WDR59: variants seen among roughly 807,000 people sequenced by gnomAD.
WDR59 encodes the protein WD repeat domain 59.
WDR59 carries 100 observed loss-of-function variants against 131.2 expected under a neutral mutation model. The observed-to-expected ratio is 0.76, with a 90% CI of 0.65 to 0.90. WDR59 has a LOEUF of 0.90. Among genes scored for constraint, WDR59 ranks in the 40% least tolerant of loss-of-function variants. The probability of loss-of-function intolerance (pLI) is 0.00; values close to 1 mark genes in which losing one functional copy is unlikely to be tolerated. For missense variants in WDR59, 1,203 were observed against 1,262.2 expected (o/e 0.95, Z 0.71); for synonymous variants, 601 against 466.2 (o/e 1.29, Z -3.72).
chr16:74,907,634 C>T (rs1965880298), intron 17 of WDR59, among the ~76,000 whole-genome samples: 1 of 152,192 alleles, frequency 6.6e-6, no homozygotes, highest in Admixed American at 6.5e-5. Flanking sequence ...AATGTCTATG[C>T]TGATTACACT....
chr16:74,902,822 G>A (rs1276596380), intron 18 of WDR59, among the ~76,000 whole-genome samples: 1 of 152,024 alleles, frequency 6.6e-6, no homozygotes, highest in Non-Finnish European at 1.5e-5. Context: ...ACTTGGAAAT[G>A]ATATAGATTA....
At chr16:74,934,708 G>A (rs758945859) in intron 8 of WDR59, among the ~76,000 whole-genome samples, 2 of 152,214 alleles carry the variant, frequency 1.3e-5, no homozygotes, top group Non-Finnish European at 2.9e-5. Context: ...AACACTTTGG[G>A]AGGCTGAAGC....
At chr16:74,977,620 G>A (rs1412298579) in intron 1 of WDR59, among the ~76,000 whole-genome samples, 5 of 152,126 alleles carry the variant, frequency 3.3e-5, no homozygotes, top group Non-Finnish European at 2.9e-5. Context: ...CCCGGGAGGC[G>A]GAGCTTGCAG....
chr16:74,885,405 G>A (rs997264303), intron 25 of WDR59, among the ~76,000 whole-genome samples: 4 of 117,798 alleles, frequency 3.4e-5, no homozygotes, highest in Admixed American at 1.3e-4. Context: ...CTGAGATCAC[G>A]CCACTGCACT....
chr16:74,882,753 T>G (rs1199829042), intron 25 of WDR59, among the ~76,000 whole-genome samples: 2 of 127,758 alleles, frequency 1.6e-5, no homozygotes, highest in East Asian at 2.3e-4. Flanking sequence ...GAGGTTGCAG[T>G]GAGCCGAGAT....
intron 25 of WDR59, among the ~76,000 whole-genome samples, chr16:74,882,890 T>C (rs1275435373): frequency 1.3e-5 from 2 of 149,268 alleles, no homozygotes; most frequent in Non-Finnish European, 3.0e-5. Flanking sequence ...CCTACACAAC[T>C]TAAAAGAGTC....
intron 25 of WDR59, among the ~76,000 whole-genome samples, chr16:74,882,832 AGAAAG>A (rs1567684198): frequency 8.2e-6 from 1 of 122,238 alleles, no homozygotes; most frequent in African/African-American, 2.9e-5. Flanking sequence ...AAAAAAAAAA[AGAAAG>A]AAAGAAAGAA....
chr16:74,927,553 A>C (rs1459596414), intron 8 of WDR59, among the ~76,000 whole-genome samples: 1 of 138,238 alleles, frequency 7.2e-6, no homozygotes, highest in South Asian at 2.3e-4. Context: ...GCGCCACTGC[A>C]CTCCAGCCTG....
chr16:74,982,906 A>G (rs1414745992), intron 1 of WDR59, among the ~76,000 whole-genome samples: 1 of 152,240 alleles, frequency 6.6e-6, no homozygotes, highest in Non-Finnish European at 1.5e-5. Context: ...TCACCCATTC[A>G]TACTTATCCA....
At chr16:74,890,742 C>G (rs1441997145) in intron 20 of WDR59, among the ~76,000 whole-genome samples, 1 of 152,136 alleles carries the variant, frequency 6.6e-6, no homozygotes, top group East Asian at 1.9e-4. Flanking sequence ...AAACCAATAG[C>G]CTCTAAGTGT....
chr16:74,912,750 G>C (rs1377860541), intron 13 of WDR59, among the ~76,000 whole-genome samples: 1 of 152,198 alleles, frequency 6.6e-6, no homozygotes, highest in Admixed American at 6.5e-5. Context: ...GCAAGCCAGT[G>C]ATAAGCATTG....
Position 74,912,069 on chromosome 16 carries a change from C to G in WDR59, c.1389+129G>C, listed in dbSNP as rs573045237. On this transcript the variant is annotated intron_variant, in intron 14 of 25. Coordinates refer to ENST00000262144, the MANE Select transcript of WDR59 (RefSeq NM_030581.4). ...AATGGCAAGTTCAGAGGTTACGTTGCTAATACTAGTGTGTGTACGAAACAG... is the reference window on the plus strand; with the variant it reads ...AATGGCAAGTTCAGAGGTTACGTTGGTAATACTAGTGTGTGTACGAAACAG... The G allele has an allele frequency of 2.3e-5, 29 of 1,264,358 alleles. No homozygotes were observed. In the East Asian group the frequency reaches 6.3e-4, roughly 28 times the overall value. 78.3% of individuals were successfully genotyped at this position (1,264,358 alleles called of 1,614,324 possible). A position where few individuals can be genotyped will look rare whatever the true frequency, so the allele number is the denominator to read the frequency against.
chr16:74,972,794 C>G (rs2034035977), intron 1 of WDR59, among the ~76,000 whole-genome samples: 1 of 131,830 alleles, frequency 7.6e-6, no homozygotes, highest in Non-Finnish European at 1.5e-5. Flanking sequence ...TGCATTCCAG[C>G]CTGGGTGACA....
At chr16:74,921,848 C>T in intron 10 of WDR59, 99 bp downstream of exon 10, 1 of 1,434,300 alleles carries the variant, frequency 7.0e-7, no homozygotes, top group Non-Finnish European at 9.3e-7. Context: ...AAGCCCAGCT[C>T]TCTCTATGTC....
At chr16:74,879,837 G>C (rs189173462) in intron 25 of WDR59, among the ~76,000 whole-genome samples, 1 of 152,118 alleles carries the variant, frequency 6.6e-6, no homozygotes, top group Admixed American at 6.5e-5. Context: ...CAGAACAATG[G>C]GTAAGTACCA....
In WDR59 at chr16:74,926,904, C is replaced by T. The variant is rs150106639; in HGVS notation, c.652-2901G>A. The stretch of plus-strand genomic sequence containing the variant: ...CAAGGAAATATATAAATGAGCCAAG[C>T]TGGAATGCAAGGGAGAGTTCTATGT... On this transcript the variant is annotated intron_variant, in intron 8 of 25. Transcript: ENST00000262144. 3.6e-3 allele frequency among the ~76,000 whole-genome samples: 550 copies of T among 152,250 alleles called. 4 individuals are homozygous for T. The highest frequency in any genetic ancestry group is 0.013 in the African/African-American group (543 of 41,542).
intron 1 of WDR59, among the ~76,000 whole-genome samples, chr16:74,967,175 C>A (rs768188368): frequency 2.0e-5 from 3 of 152,146 alleles, no homozygotes; most frequent in Admixed American, 6.6e-5. Flanking sequence ...AGAAACATCA[C>A]AAGTAACATT....
intron 1 of WDR59, chr16:74,984,568 A>C: frequency 3.9e-6 from 1 of 258,270 alleles, no homozygotes; most frequent in Non-Finnish European, 7.7e-6. Flanking sequence ...GGTTACGTCC[A>C]CGCAGCTGAG....
intron 1 of WDR59, among the ~76,000 whole-genome samples, chr16:74,969,296 G>A (rs1052267995): frequency 3.3e-5 from 5 of 152,004 alleles, no homozygotes; most frequent in South Asian, 2.1e-4. Flanking sequence ...CTTTTGAGAC[G>A]GAGTCTCACT....
Sources: allele counts gnomAD v4.1 joint callset (sites outside exome capture counted in the v4.1 genomes callset), GRCh38; gene constraint gnomAD v4.1.1; transcripts MANE v1.5; gene names NCBI Gene and HGNC (gene_info 2026-07-23, HGNC 2026-07-21).